Variants in KIR3DL1 observed in about 807,000 individuals in gnomAD.
The protein encoded by KIR3DL1 is killer cell immunoglobulin-like receptor 3DL1.
A neutral mutation model predicts 40.3 loss-of-function variants in KIR3DL1; 50 were observed. That is an observed-to-expected ratio of 1.24 (90% CI 0.99 to 1.57). The LOEUF (loss-of-function observed/expected upper bound fraction) is 1.57. Among genes scored for constraint, KIR3DL1 ranks in the 40% most tolerant of loss-of-function variants. The pLI, the probability that KIR3DL1 is intolerant of heterozygous loss-of-function variation, is 0.00. For synonymous variants in KIR3DL1, 257 were observed against 207.2 expected (o/e 1.24, Z -2.07); for missense variants, 661 against 559.9 (o/e 1.18, Z -1.82).
chr19:54,816,780 C>CT (rs1258264057), intron 1 of KIR3DL1, among the ~76,000 whole-genome samples: 1 of 100,578 alleles, frequency 9.9e-6, no homozygotes, highest in East Asian at 3.7e-4. Context: ...AGATATGTGC[C>CT]TGGGGTGGAG....
At chr19:54,817,771 A>G (rs1436710166) in intron 2 of KIR3DL1, among the ~76,000 whole-genome samples, 3 of 147,954 alleles carry the variant, frequency 2.0e-5, no homozygotes, top group Non-Finnish European at 4.4e-5. Flanking sequence ...GGGTGAGACT[A>G]GGGTGCTCCA....
intron 2 of KIR3DL1, 53 bp from the exon 3 acceptor site, chr19:54,818,262 T>A: frequency 1.3e-6 from 2 of 1,519,002 alleles, no homozygotes; most frequent in South Asian, 2.3e-5. Flanking sequence ...GCACTGGGAG[T>A]GAGGGGCGGC....
rs144858477 is a variant in KIR3DL1 at position 54,829,108 on chromosome 19, C to G, written c.1001-253C>G. Among the ~76,000 whole-genome samples the G allele has an allele frequency of 1.8e-4, 25 of 142,674 alleles. 3 individuals carry two copies. Among genetic ancestry groups the G allele is most frequent in the Admixed American group, 4.3e-4 (6 of 13,912 alleles). 93.6% of individuals were successfully genotyped at this position (142,674 alleles called of 152,430 possible). A position where few individuals can be genotyped will look rare whatever the true frequency, so the allele number is the denominator to read the frequency against. On this transcript the variant is annotated intron_variant, in intron 6 of 8. Coordinates refer to ENST00000391728, the Ensembl canonical transcript of KIR3DL1. ...CTCCCAAGAGGCCCAACCTCCCACA[C>G]TGGGGGTTAAATTTCAATGTGAGGT...
rs1424862261 is a variant in KIR3DL1, at chr19:54,827,671, C to T, written c.1001-1690C>T. Reference sequence around the variant, plus strand: ...ATAAAACACACACGAATGACAAAGGCACCTGAATTCCCATCATCATTTTTC... The same window carrying T: ...ATAAAACACACACGAATGACAAAGGTACCTGAATTCCCATCATCATTTTTC... On this transcript the variant is annotated intron_variant, in intron 6 of 8. Coordinates refer to ENST00000391728, the Ensembl canonical transcript of KIR3DL1. Among the ~76,000 whole-genome samples, 2 of 149,382 alleles carry T rather than the reference C, an allele frequency of 1.3e-5. 1 individual carries two copies. Among genetic ancestry groups the T allele is most frequent in the African/African-American group, 5.0e-5 (2 of 39,846 alleles).
chr19:54,822,456 C>CT (rs1398409401), intron 5 of KIR3DL1, among the ~76,000 whole-genome samples: 1 of 150,654 alleles, frequency 6.6e-6, no homozygotes, highest in Non-Finnish European at 1.5e-5. Flanking sequence ...GGAAATTCAT[C>CT]TTTACTAAAC....
chr19:54,817,416 G>T (rs1176690745), intron 1 of KIR3DL1, 118 bp from the exon 2 acceptor site: 1 of 867,630 alleles, frequency 1.2e-6, no homozygotes, highest in Non-Finnish European at 1.9e-6. Context: ...AGGCAGCGAG[G>T]GTGAGTTTAC....
chr19:54,818,308 C>G lies in KIR3DL1; in HGVS notation c.71-7C>G. On this transcript the variant is annotated splice_region_variant and splice_polypyrimidine_tract_variant and intron_variant, in intron 2 of 8. Transcript: ENST00000391728. ...CCTCTCTAAGGCAGTGCCTCCTTCT[C>G]CCCCAGGTGGTCAGGACAAACCCTT... The G allele has an allele frequency of 1.9e-6, 3 of 1,595,272 alleles. No homozygotes were observed. Among genetic ancestry groups the G allele is most frequent in the Non-Finnish European group, 1.7e-6 (2 of 1,171,344 alleles).
chr19:54,821,630 A>G (rs1329239906), exon 5 of KIR3DL1: 1 of 1,609,202 alleles, frequency 6.2e-7, no homozygotes, highest in African/African-American at 1.3e-5. Flanking sequence ...AGAGAGCGTG[A>G]CCTTGTCCTG....
chr19:54,816,511 T>C lies in KIR3DL1; in HGVS notation c.11T>C (p.Met4Thr), dbSNP rs377549286. The change falls in exon 1 of 9, where the codon ATG becomes ACG. Residue 4 changes from methionine (M) to threonine (T), a missense_variant. Around this residue, in one of 3 missense-constraint regions of KIR3DL1, gnomAD observed 548 missense variants for 413.3 expected, o/e 1.33. Coordinates refer to ENST00000391728, the Ensembl canonical transcript of KIR3DL1. ...TGCACCGGCAGCACCATGTCGCTCA[T>C]GGTCGTCAGCATGGCGTGTGTTGGT... The C allele has an allele frequency of 1.6e-4, 265 of 1,606,416 alleles. 1 individual carries two copies. Among genetic ancestry groups the C allele is most frequent in the East Asian group, 4.5e-4 (20 of 44,462 alleles).
rs1356608261 is a variant in KIR3DL1 at position 54,823,755 on chromosome 19, G to T, written c.950-1273G>T. On this transcript the variant is annotated intron_variant, in intron 5 of 8. Coordinates refer to ENST00000391728, the Ensembl canonical transcript of KIR3DL1. Reference sequence around the variant, plus strand: ...GATCCGCCCACCTCCGCCTCCTGAAGTGCCGGAATTACAGGCGTGAGCCAC... The same window carrying T: ...GATCCGCCCACCTCCGCCTCCTGAATTGCCGGAATTACAGGCGTGAGCCAC... Among the ~76,000 whole-genome samples, 2 of 151,552 alleles carry T rather than the reference G, an allele frequency of 1.3e-5. 1 individual carries two copies. The highest frequency in any genetic ancestry group is 4.9e-5 in the African/African-American group (2 of 41,054).
At chr19:54,820,141 G>A in intron 4 of KIR3DL1, 129 bp downstream of exon 4, 1 of 989,568 alleles carries the variant, frequency 1.0e-6, no homozygotes, top group Non-Finnish European at 1.5e-6. Flanking sequence ...GACTTGGTGA[G>A]GTCTGTACCA....
chr19:54,821,528 A>C (rs770718023), intron 4 of KIR3DL1, 37 bp from the exon 5 acceptor site: 1 of 1,585,978 alleles, frequency 6.3e-7, no homozygotes, highest in East Asian at 2.2e-5. Context: ...ATGACAAGGA[A>C]GAACCTCCCT....
intron 6 of KIR3DL1, among the ~76,000 whole-genome samples, chr19:54,825,905 C>T (rs2061862640): frequency 6.6e-6 from 1 of 151,158 alleles, no homozygotes; most frequent in Non-Finnish European, 1.5e-5. Flanking sequence ...TCTTCCTTAC[C>T]ACACCTCTTT....
Position 54,821,097 on chromosome 19 carries a change from T to G in KIR3DL1, c.656-468T>G, listed in dbSNP as rs181029962. Among the ~76,000 whole-genome samples, 8 of 149,036 alleles carry G rather than the reference T, an allele frequency of 5.4e-5. 1 individual carries two copies. The highest frequency in any genetic ancestry group is 3.5e-3 in the Middle Eastern group (1 of 286). On this transcript the variant is annotated intron_variant, in intron 4 of 8. Coordinates refer to ENST00000391728, the Ensembl canonical transcript of KIR3DL1. ...GACAGAGAGGTAATAGAGAGAGAGA[T>G]AGATGATACATATATAGATAATAGA...
chr19:54,821,619 G>A (rs2148115316), exon 5 of KIR3DL1: 1 of 1,608,966 alleles, frequency 6.2e-7, no homozygotes, highest in East Asian at 2.2e-5. Flanking sequence ...GTTCAGGCAG[G>A]AGAGAGCGTG....
At chr19:54,818,437 A>C (rs149123986) in exon 3 of KIR3DL1, 8 of 1,607,110 alleles carry the variant, frequency 5.0e-6, no homozygotes, top group Non-Finnish European at 5.9e-6. Flanking sequence ...CAAAGAAGAC[A>C]GAATCCACAT....
At chr19:54,827,402 C>T (rs1368545841) in intron 6 of KIR3DL1, among the ~76,000 whole-genome samples, 2 of 150,138 alleles carry the variant, frequency 1.3e-5, no homozygotes, top group Admixed American at 1.3e-4. Flanking sequence ...ACCAGCCTGG[C>T]CAACATGGAG....
intron 2 of KIR3DL1, 111 bp downstream of exon 2, chr19:54,817,680 C>T (rs1430081753): frequency 2.4e-6 from 2 of 843,056 alleles, no homozygotes; most frequent in Non-Finnish European, 3.7e-6. Flanking sequence ...AGAGGGGACC[C>T]TCGGATGCTC....
At chr19:54,817,230 G>C (rs1196363787) in intron 1 of KIR3DL1, among the ~76,000 whole-genome samples, 1 of 146,638 alleles carries the variant, frequency 6.8e-6, no homozygotes, top group Non-Finnish European at 1.5e-5. Context: ...GCCTGGAGTG[G>C]AGATATGGGC....
Sources: allele counts gnomAD v4.1 joint callset (sites outside exome capture counted in the v4.1 genomes callset), GRCh38; gene constraint gnomAD v4.1.1; regional missense constraint gnomAD v4.1.1; transcripts MANE v1.5; gene names NCBI Gene and HGNC (gene_info 2026-07-23, HGNC 2026-07-21).